SP100: variants seen among roughly 807,000 people sequenced by gnomAD.
SP100 encodes SP100 nuclear body protein.
In SP100, 84 loss-of-function variants were observed where a neutral mutation model predicts 130.0. That is an observed-to-expected ratio of 0.65 (90% CI 0.54 to 0.77). The LOEUF is 0.77. Among genes scored for constraint, SP100 ranks in the 30% least tolerant of loss-of-function variants. The probability of loss-of-function intolerance (pLI) is 0.00; values close to 1 mark genes in which losing one functional copy is unlikely to be tolerated. For missense variants in SP100, 978 were observed against 1,052.2 expected (o/e 0.93, Z 0.97); for synonymous variants, 331 against 351.7 (o/e 0.94, Z 0.66).
rs1692240799 is a variant in SP100 at position 230,543,254 on chromosome 2, G to A, written c.*308G>A. Reference sequence around the variant, plus strand: ...CCCCTTGAAAACAAGCACAAGACAAGGATTCCCTCTCTCACCACTCCTATT... The same window carrying A: ...CCCCTTGAAAACAAGCACAAGACAAAGATTCCCTCTCTCACCACTCCTATT... On this transcript the variant is annotated 3_prime_UTR_variant, in exon 29 of 29. Coordinates refer to ENST00000340126, the MANE Select transcript of SP100 (RefSeq NM_001080391.2). 1 of 193,510 alleles carries A rather than the reference G, an allele frequency of 5.2e-6. No individual in the cohort carries two copies. Among genetic ancestry groups the A allele is most frequent in the South Asian group, 1.1e-4 (1 of 9,506 alleles). The allele number at this position is 193,510 out of a possible 1,614,324, so 12.0% of individuals were successfully genotyped here.
chr2:230,522,929 C>T (rs915533832), intron 24 of SP100, among the ~76,000 whole-genome samples: 1 of 152,066 alleles, frequency 6.6e-6, no homozygotes, highest in African/African-American at 2.4e-5. Context: ...ATTCTCCTGC[C>T]TCAGCCTCCC....
chr2:230,507,363 G>A (rs1025533818), intron 22 of SP100: 2 of 152,346 alleles, frequency 1.3e-5, no homozygotes, highest in Admixed American at 6.5e-5. Context: ...TCCAGCCTGA[G>A]CAACACAGCA....
At chr2:230,438,654 C>T (rs62193386) in intron 2 of SP100, among the ~76,000 whole-genome samples, 4,875 of 137,778 alleles carry the variant, frequency 0.035, 295 homozygotes, top group African/African-American at 0.13. Flanking sequence ...TATATACACA[C>T]ACACACACAC....
intron 17 of SP100, among the ~76,000 whole-genome samples, chr2:230,485,727 A>G (rs980982679): frequency 6.6e-6 from 1 of 152,196 alleles, no homozygotes; most frequent in African/African-American, 2.4e-5. Flanking sequence ...TGTATACATG[A>G]TAAAATGTTG....
rs1309041746 is a variant in SP100 at position 230,479,643 on chromosome 2, T to C, written c.1600+5196T>C. 5.3e-5 allele frequency among the ~76,000 whole-genome samples: 8 copies of C among 152,146 alleles called. No homozygotes were observed. In the South Asian group the frequency reaches 1.7e-3, roughly 32 times the overall value. On this transcript the variant is annotated intron_variant, in intron 17 of 28. Coordinates refer to ENST00000340126, the MANE Select transcript of SP100 (RefSeq NM_001080391.2). Reference sequence around the variant, plus strand: ...ACTGTCCATCACTATTGGAGTAAAATAGGAAATCCAGTGAAATGGAAGAAA... The same window carrying C: ...ACTGTCCATCACTATTGGAGTAAAACAGGAAATCCAGTGAAATGGAAGAAA...
intron 28 of SP100, 53 bp downstream of exon 28, chr2:230,542,088 C>T: frequency 6.4e-7 from 1 of 1,565,410 alleles, no homozygotes; most frequent in South Asian, 1.1e-5. Context: ...ACTTTAAAGT[C>T]ACTTTCCCTG....
chr2:230,429,187 C>T (rs1575593300), intron 2 of SP100, among the ~76,000 whole-genome samples: 1 of 152,260 alleles, frequency 6.6e-6, no homozygotes, highest in East Asian at 1.9e-4. Flanking sequence ...GTTTTTATCT[C>T]TCCTTCACTT....
At chr2:230,469,022 T>G in intron 13 of SP100, 21 bp from the exon 14 acceptor site, 3 of 1,491,814 alleles carry the variant, frequency 2.0e-6, no homozygotes, top group Non-Finnish European at 2.8e-6. Flanking sequence ...ATTATTGATT[T>G]GGTTTTCCTT....
intron 24 of SP100, among the ~76,000 whole-genome samples, chr2:230,525,473 G>T (rs1228530144): frequency 1.3e-5 from 2 of 152,130 alleles, no homozygotes; most frequent in Admixed American, 1.3e-4. Flanking sequence ...AAGAGCTCCG[G>T]TCTGCAGCTC....
At chr2:230,428,227 C>CA (rs1029657674) in intron 2 of SP100, among the ~76,000 whole-genome samples, 2 of 150,736 alleles carry the variant, frequency 1.3e-5, no homozygotes, top group Non-Finnish European at 3.0e-5. Context: ...GACTCTGTCT[C>CA]AAAAAAAATA....
chr2:230,464,206 G>A, intron 11 of SP100, 56 bp downstream of exon 11: 1 of 1,088,756 alleles, frequency 9.2e-7, no homozygotes, highest in South Asian at 1.3e-5. Flanking sequence ...TACAAATCCA[G>A]AGCTCTGTTT....
intron 2 of SP100, among the ~76,000 whole-genome samples, chr2:230,429,077 A>T (rs1287437817): frequency 6.6e-6 from 1 of 152,256 alleles, no homozygotes; most frequent in East Asian, 1.9e-4. Context: ...TATGCTGTGA[A>T]TTAGTACCAT....
In SP100 at chr2:230,545,385, T is replaced by C. The variant is rs1408925041; in HGVS notation, c.*2439T>C. Among the ~76,000 whole-genome samples, 1 of 152,000 alleles carries C rather than the reference T, an allele frequency of 6.6e-6. No individual in the cohort carries two copies. The highest frequency in any genetic ancestry group is 2.4e-5 in the African/African-American group (1 of 41,384). On this transcript the variant is annotated 3_prime_UTR_variant, in exon 29 of 29. Transcript: ENST00000340126. ...TGAGTGGGAGCTAAATGATGAGAAC[T>C]CATGAACACAATGAAGGGAACAGAC...
At chr2:230,496,447 G>C (rs2066670520) in intron 18 of SP100, among the ~76,000 whole-genome samples, 1 of 152,134 alleles carries the variant, frequency 6.6e-6, no homozygotes, top group Non-Finnish European at 1.5e-5. Context: ...AGTGTCTATT[G>C]CTTTCAGCTA....
intron 16 of SP100, among the ~76,000 whole-genome samples, chr2:230,474,074 A>T (rs1318985655): frequency 6.6e-6 from 1 of 152,182 alleles, no homozygotes; most frequent in African/African-American, 2.4e-5. Context: ...TTATATAGTG[A>T]TTTCCTATTA....
In SP100 at chr2:230,442,928, T is replaced by C. The variant is rs2063529019; in HGVS notation, c.108-9T>C. 4 of 1,611,212 alleles carry C rather than the reference T, an allele frequency of 2.5e-6. No individual in the cohort carries two copies. The stretch of plus-strand genomic sequence containing the variant: ...ATGACCATTTTCACATGGTGTCCTT[T>C]TTCCCTAGGATGTTCACGGAAGACC... On this transcript the variant is annotated splice_polypyrimidine_tract_variant and intron_variant, in intron 2 of 28. Coordinates refer to ENST00000340126, the MANE Select transcript of SP100 (RefSeq NM_001080391.2).
At chr2:230,462,629 C>A in intron 10 of SP100, 111 bp downstream of exon 10, 1 of 795,666 alleles carries the variant, frequency 1.3e-6, no homozygotes, top group South Asian at 1.4e-5. Flanking sequence ...TCCAGTTTAT[C>A]CTGGGATCCC....
rs189487260 is a variant in SP100, at chr2:230,496,189, T to C, written c.1645+1729T>C. Among the ~76,000 whole-genome samples, 472 of 152,338 alleles carry C rather than the reference T, an allele frequency of 3.1e-3. 2 individuals are homozygous for C. Among genetic ancestry groups the C allele is most frequent in the African/African-American group, 0.011 (449 of 41,584 alleles). On this transcript the variant is annotated intron_variant, in intron 18 of 28. Coordinates refer to ENST00000340126, the MANE Select transcript of SP100 (RefSeq NM_001080391.2). ...TATTAAAATACTTGGATTTGTTAAG[T>C]CTAAGCAGAAATCACATTTATTCCT...
chr2:230,503,082 T>C lies in SP100; in HGVS notation c.1737T>C (p.Thr579=). ...RWQQRGRKAN[T]RPLKRRRKRG... is the part of the protein sequence containing the mutation. ...CTTTCTCAGGAAGAAAAGCCAACACTAGACCTTTGAAAAGAAGAAGAAAAA... is the reference window on the plus strand; with the variant it reads ...CTTTCTCAGGAAGAAAAGCCAACACCAGACCTTTGAAAAGAAGAAGAAAAA... Residue 579 remains threonine, a synonymous_variant, in exon 20 of 29, where the codon ACT becomes ACC. Transcript: ENST00000340126. The C allele has an allele frequency of 6.2e-7, 1 of 1,604,946 alleles. No individual in the cohort carries two copies. Among genetic ancestry groups the C allele is most frequent in the Non-Finnish European group, 8.5e-7 (1 of 1,173,926 alleles).
Sources: gnomAD v4.1 joint callset for allele counts (sites outside exome capture counted in the v4.1 genomes callset) on GRCh38, gnomAD v4.1.1 for gene constraint, MANE v1.5 for transcripts, NCBI Gene and HGNC (gene_info 2026-07-23, HGNC 2026-07-21) for gene names.